GRAP2: variants seen among roughly 807,000 people sequenced by gnomAD.
The protein encoded by GRAP2 is GRB2-related adapter protein 2.
A neutral mutation model predicts 43.5 loss-of-function variants in GRAP2; 31 were observed. That is an observed-to-expected ratio of 0.71 (90% CI 0.54 to 0.96). The LOEUF (loss-of-function observed/expected upper bound fraction) is 0.96, where lower values mean the gene tolerates loss of function less well. Ranked by LOEUF, GRAP2 falls within the 40% of genes least tolerant of loss-of-function variation. The pLI is 0.00. For missense variants in GRAP2, 371 were observed against 424.4 expected (o/e 0.87, Z 1.11); for synonymous variants, 156 against 164.8 (o/e 0.95, Z 0.41).
intron 1 of GRAP2, among the ~76,000 whole-genome samples, chr22:39,920,762 T>C (rs975861840): frequency 6.6e-6 from 1 of 151,966 alleles, no homozygotes; most frequent in African/African-American, 2.4e-5. Flanking sequence ...TATCTAAATA[T>C]GGCTCGATTC....
At chr22:39,899,952 C>T (rs946911156), upstream of GRAP2, among the ~76,000 whole-genome samples, 15 of 151,994 alleles carry the variant, frequency 9.9e-5, no homozygotes, top group Admixed American at 9.2e-4. Flanking sequence ...TGCCATTGCA[C>T]TCCAGCCTGG....
intron 3 of GRAP2, among the ~76,000 whole-genome samples, chr22:39,957,315 G>C (rs137998): frequency 0.99 from 151,120 of 152,248 alleles, 75,005 homozygotes; most frequent in Middle Eastern, 1. Context: ...CATACCCCAC[G>C]TGCTCCTCAA....
chr22:39,962,893 T>A (rs1414877364), intron 4 of GRAP2, among the ~76,000 whole-genome samples: 2 of 152,090 alleles, frequency 1.3e-5, no homozygotes, highest in African/African-American at 4.8e-5. Context: ...GGTCTTGAAC[T>A]CCTGGCCTCA....
upstream of GRAP2, chr22:39,900,953 CA>C (rs1198108078): frequency 1.6e-5 from 4 of 247,524 alleles, no homozygotes; most frequent in Non-Finnish European, 8.0e-6. Context: ...CATAAAGAAG[CA>C]AAAGTGTTTC....
At position 39,955,910 on chromosome 22, in the gene GRAP2, A is replaced by G. The variant is rs2067044891; in HGVS notation, c.170A>G (p.Lys57Arg). 2 of 1,413,960 alleles carry G rather than the reference A, an allele frequency of 1.4e-6. No homozygotes were observed. The highest frequency in any genetic ancestry group is 2.8e-5 in the African/African-American group (2 of 71,158). 87.6% of individuals were successfully genotyped at this position (1,413,960 alleles called of 1,614,324 possible). A position where few individuals can be genotyped will look rare whatever the true frequency, so the allele number is the denominator to read the frequency against. ...PKNFIDIQFP[K>R]WFHEGLSRHQ... is the part of the protein sequence containing the mutation. ...AATTTCATAGACATCCAGTTTCCCAAGTAAGTATCTGCAGCCTGCTGAGAT... is the reference window on the plus strand; with the variant it reads ...AATTTCATAGACATCCAGTTTCCCAGGTAAGTATCTGCAGCCTGCTGAGAT... The change falls in exon 3 of 8, where the codon AAA (lysine) becomes AGA (arginine). Residue 57 changes from lysine to arginine, a missense_variant and splice_region_variant. By Grantham distance (26) the Lys-to-Arg change is conservative. Coordinates refer to ENST00000344138, the MANE Select transcript of GRAP2 (RefSeq NM_004810.4).
chr22:39,895,824 T>TA, the GRAP2 span, among the ~76,000 whole-genome samples: 1 of 152,238 alleles, frequency 6.6e-6, no homozygotes, highest in Non-Finnish European at 1.5e-5. Flanking sequence ...CAAACAATGT[T>TA]ACGGGAGTGA....
intron 1 of GRAP2, among the ~76,000 whole-genome samples, chr22:39,909,877 C>G (rs926917298): frequency 1.3e-5 from 2 of 152,174 alleles, no homozygotes; most frequent in East Asian, 3.8e-4. Context: ...ATAGGAGAAA[C>G]AGGGTCTTCT....
chr22:39,919,691 T>G (rs922510884), intron 1 of GRAP2, among the ~76,000 whole-genome samples: 6 of 152,224 alleles, frequency 3.9e-5, no homozygotes, highest in Admixed American at 1.3e-4. Flanking sequence ...CAGATAGCCA[T>G]AGAAGTACCC....
At chr22:39,894,294 A>G in the GRAP2 span, among the ~76,000 whole-genome samples, 5,090 of 151,700 alleles carry the variant, frequency 0.034, 133 homozygotes, top group Middle Eastern at 0.082. Context: ...GGAAATCATC[A>G]TTCTCAGTAA....
chr22:39,944,814 T>C (rs1431391203), intron 1 of GRAP2, among the ~76,000 whole-genome samples: 1 of 152,206 alleles, frequency 6.6e-6, no homozygotes, highest in African/African-American at 2.4e-5. Context: ...TGGGATATTT[T>C]TTCATTTCTA....
At chr22:39,963,137 A>G (rs141217480) in intron 4 of GRAP2, among the ~76,000 whole-genome samples, 38 of 152,356 alleles carry the variant, frequency 2.5e-4, no homozygotes, top group Non-Finnish European at 4.7e-4. Flanking sequence ...AATATTTTCC[A>G]AAGCAAAATC....
chr22:39,954,985 G>C (rs929789173), intron 2 of GRAP2, among the ~76,000 whole-genome samples: 27 of 152,230 alleles, frequency 1.8e-4, no homozygotes, highest in African/African-American at 6.5e-4. Flanking sequence ...TGAACACAAA[G>C]AGTTACTGTT....
chr22:39,941,852 C>T (rs377753800), intron 1 of GRAP2, among the ~76,000 whole-genome samples: 2 of 151,640 alleles, frequency 1.3e-5, no homozygotes, highest in East Asian at 3.9e-4. Context: ...TCTATATCAA[C>T]AGGAGAGGTG....
At chr22:39,897,887 C>T (rs2066472313), upstream of GRAP2, among the ~76,000 whole-genome samples, 3 of 152,164 alleles carry the variant, frequency 2.0e-5, no homozygotes, top group African/African-American at 2.4e-5. Flanking sequence ...TTCAGCACAA[C>T]AGCCAGAGCT....
intron 1 of GRAP2, among the ~76,000 whole-genome samples, chr22:39,936,037 A>C (rs2066803361): frequency 6.6e-6 from 1 of 152,212 alleles, no homozygotes; most frequent in Non-Finnish European, 1.5e-5. Context: ...GAGGGAAAAA[A>C]AGAGAACATG....
chr22:39,916,258 G>A (rs988565909), intron 1 of GRAP2, among the ~76,000 whole-genome samples: 8 of 152,226 alleles, frequency 5.3e-5, no homozygotes, highest in African/African-American at 1.4e-4. Flanking sequence ...CATCACCTCC[G>A]TGAACGGAAG....
At chr22:39,913,689 G>A (rs778977168) in intron 1 of GRAP2, among the ~76,000 whole-genome samples, 31 of 152,240 alleles carry the variant, frequency 2.0e-4, no homozygotes, top group South Asian at 2.1e-4. Flanking sequence ...GAAAAATCAC[G>A]GGATAAGAAA....
At chr22:39,970,865 C>G in intron 7 of GRAP2, 40 bp from the exon 8 acceptor site, 1 of 1,526,152 alleles carries the variant, frequency 6.6e-7, no homozygotes, top group South Asian at 1.3e-5. Context: ...CCTGCCCAGC[C>G]CACAGCTCAG....
In GRAP2 at chr22:39,964,771, C is replaced by A. The variant is rs146058149; in HGVS notation, c.291-1219C>A. The A allele has an allele frequency of 2.4e-3, 1,049 of 437,378 alleles. 18 individuals carry two copies. In the East Asian group the frequency reaches 0.027, roughly 11 times the overall value. 27.1% of individuals were successfully genotyped at this position (437,378 alleles called of 1,614,324 possible). On this transcript the variant is annotated intron_variant, in intron 4 of 7. Coordinates refer to ENST00000344138, the MANE Select transcript of GRAP2 (RefSeq NM_004810.4). ...CTCATCATCTCTTTAGTTGTTTTCA[C>A]TAAGTCATTCCTACCATAACTGTGA...
Sources: allele counts gnomAD v4.1 joint callset (sites outside exome capture counted in the v4.1 genomes callset), GRCh38; gene constraint gnomAD v4.1.1; transcripts MANE v1.5; gene names NCBI Gene and HGNC (gene_info 2026-07-23, HGNC 2026-07-21).